The following CSTPP1 variants were observed in gnomAD, a reference collection of about 807,000 sequenced individuals.
CSTPP1 encodes centriolar satellite-associated tubulin polyglutamylase complex regulator 1, also known as UPF0705 protein C11orf49.
At chr11:47,139,906 G>C in the CSTPP1 span, among the ~76,000 whole-genome samples, 1 of 152,120 alleles carries the variant, frequency 6.6e-6, no homozygotes, top group Non-Finnish European at 1.5e-5. Context: ...CCTGTGTCAT[G>C]GCATCATTTC....
chr11:46,956,688 TGTG>T, the CSTPP1 span, among the ~76,000 whole-genome samples: 2 of 152,124 alleles, frequency 1.3e-5, no homozygotes, highest in Non-Finnish European at 2.9e-5. Flanking sequence ...TTTTTTTTGC[TGTG>T]TACTTTAAAA....
chr11:47,090,461 A>C, the CSTPP1 span, among the ~76,000 whole-genome samples: 17 of 151,716 alleles, frequency 1.1e-4, no homozygotes, highest in East Asian at 3.3e-3. Flanking sequence ...AAAATGTCTT[A>C]AGATGGAAAA....
the CSTPP1 span, chr11:47,161,825 G>A: frequency 0.033 from 46,157 of 1,397,818 alleles, 876 homozygotes; most frequent in Non-Finnish European, 0.037. Context: ...GAAGGTGAAT[G>A]GCCTGCTCTC....
chr11:47,018,107 T>C, the CSTPP1 span, among the ~76,000 whole-genome samples: 1 of 152,188 alleles, frequency 6.6e-6, no homozygotes, highest in Non-Finnish European at 1.5e-5. Context: ...TGTATATATG[T>C]ACCACAATTT....
At chr11:47,035,179 T>TTAG in the CSTPP1 span, among the ~76,000 whole-genome samples, 1 of 152,200 alleles carries the variant, frequency 6.6e-6, no homozygotes, top group Non-Finnish European at 1.5e-5. Flanking sequence ...TGTCCTTACC[T>TTAG]TAGATTCATT....
the CSTPP1 span, among the ~76,000 whole-genome samples, chr11:46,980,814 A>G: frequency 5.3e-4 from 80 of 152,330 alleles, no homozygotes; most frequent in African/African-American, 1.8e-3. Flanking sequence ...AGAAATACAA[A>G]TAAACATGAA....
the CSTPP1 span, among the ~76,000 whole-genome samples, chr11:47,129,351 C>G: frequency 6.6e-6 from 1 of 152,164 alleles, no homozygotes; most frequent in African/African-American, 2.4e-5. Context: ...ATTCTAGTGT[C>G]CAAAACTGCC....
chr11:47,136,832 G>C, the CSTPP1 span, among the ~76,000 whole-genome samples: 2 of 152,036 alleles, frequency 1.3e-5, no homozygotes, highest in African/African-American at 4.8e-5. Flanking sequence ...CTTACTCCTT[G>C]GCTGATCTAA....
chr11:47,020,608 T>C, the CSTPP1 span, among the ~76,000 whole-genome samples: 2 of 140,962 alleles, frequency 1.4e-5, no homozygotes, highest in African/African-American at 6.5e-5. Context: ...AAGAAAACTA[T>C]CTTTCCAATA....
At chr11:47,050,368 G>A in the CSTPP1 span, among the ~76,000 whole-genome samples, 1 of 152,186 alleles carries the variant, frequency 6.6e-6, no homozygotes, top group Non-Finnish European at 1.5e-5. Flanking sequence ...TAGAGGCAAA[G>A]ATGAGTACAG....
chr11:47,132,424 A>G, the CSTPP1 span, among the ~76,000 whole-genome samples: 27 of 152,334 alleles, frequency 1.8e-4, no homozygotes, highest in African/African-American at 6.0e-4. Context: ...TAATTATAAA[A>G]TAATGCTACC....
the CSTPP1 span, among the ~76,000 whole-genome samples, chr11:47,110,399 T>G: frequency 6.6e-6 from 1 of 152,192 alleles, no homozygotes; most frequent in South Asian, 2.1e-4. Flanking sequence ...GACAGAGAGT[T>G]TGAGGAATGG....
chr11:47,110,482 G>T, the CSTPP1 span, among the ~76,000 whole-genome samples: 1 of 152,310 alleles, frequency 6.6e-6, no homozygotes, highest in East Asian at 1.9e-4. Flanking sequence ...TTAAGTCAAA[G>T]ATCACAATAT....
chr11:47,000,984 A>T, the CSTPP1 span, among the ~76,000 whole-genome samples: 4 of 152,214 alleles, frequency 2.6e-5, no homozygotes, highest in Non-Finnish European at 5.9e-5. Flanking sequence ...AACTGTAACA[A>T]GACAAATAAC....
At chr11:47,150,750 A>G in the CSTPP1 span, among the ~76,000 whole-genome samples, 1 of 151,650 alleles carries the variant, frequency 6.6e-6, no homozygotes, top group African/African-American at 2.4e-5. Flanking sequence ...GGACAGCTTC[A>G]GGGAGGATGG....
At chr11:46,968,082 T>C in the CSTPP1 span, among the ~76,000 whole-genome samples, 1 of 150,958 alleles carries the variant, frequency 6.6e-6, no homozygotes, top group East Asian at 1.9e-4. Flanking sequence ...CTTTTCATGC[T>C]GGCTGAAACT....
chr11:47,085,190 G>A, the CSTPP1 span, among the ~76,000 whole-genome samples: 9 of 152,158 alleles, frequency 5.9e-5, no homozygotes, highest in East Asian at 5.8e-4. Context: ...GCAACAGAGC[G>A]AGACTCCATC....
the CSTPP1 span, among the ~76,000 whole-genome samples, chr11:47,156,757 T>C: frequency 1.3e-5 from 2 of 151,936 alleles, no homozygotes; most frequent in Non-Finnish European, 2.9e-5. Flanking sequence ...TATGGTGCTA[T>C]GAAAGTGTGC....
At chr11:47,141,614 A>T in the CSTPP1 span, among the ~76,000 whole-genome samples, 47 of 151,134 alleles carry the variant, frequency 3.1e-4, 1 homozygote, top group Admixed American at 1.2e-3. Flanking sequence ...CTTTAAAAAA[A>T]AAAAAAATCA....
Sources: gnomAD v4.1 joint callset for allele counts (sites outside exome capture counted in the v4.1 genomes callset) on GRCh38, gnomAD v4.1.1 for gene constraint, MANE v1.5 for transcripts, NCBI Gene and HGNC (gene_info 2026-07-23, HGNC 2026-07-21) for gene names.